Variants in NT5C2 observed in about 807,000 individuals in gnomAD.
NT5C2 encodes cytosolic purine 5'-nucleotidase.
A neutral mutation model predicts 76.1 loss-of-function variants in NT5C2; 58 were observed. That is an observed-to-expected ratio of 0.76 (90% CI 0.62 to 0.95). NT5C2 has a LOEUF of 0.95. Ranked by LOEUF, NT5C2 falls within the 40% of genes least tolerant of loss-of-function variation. NT5C2 has a pLI of 0.00. For missense variants in NT5C2, 478 were observed against 690.3 expected (o/e 0.69, Z 3.45); for synonymous variants, 229 against 237.4 (o/e 0.96, Z 0.32).
Position 103,115,321 on chromosome 10 carries a change from G to C in NT5C2, c.176-8615C>G, listed in dbSNP as rs536626924. Among the ~76,000 whole-genome samples the C allele has an allele frequency of 2.4e-3, 371 of 152,252 alleles. 2 individuals are homozygous for C. The highest frequency in any genetic ancestry group is 8.4e-3 in the African/African-American group (348 of 41,548). On this transcript the variant is annotated intron_variant, in intron 4 of 18. Transcript: ENST00000404739. ...GGAGGCTGAGGCAGGAGAATTGCTT[G>C]AACCCGGGAGGCGGAGGTTGCAGTG... is the stretch of plus-strand genomic sequence containing the variant.
chr10:103,155,997 T>C (rs1255526127), intron 3 of NT5C2, among the ~76,000 whole-genome samples: 6 of 151,954 alleles, frequency 3.9e-5, no homozygotes, highest in Admixed American at 6.6e-5. Flanking sequence ...ATCCTGTCTC[T>C]ACAAAAAAAA....
intron 1 of NT5C2, among the ~76,000 whole-genome samples, chr10:103,187,476 CG>C (rs1306517436): frequency 6.7e-6 from 1 of 150,088 alleles, no homozygotes; most frequent in Non-Finnish European, 1.5e-5. Flanking sequence ...TGCTTGAACC[CG>C]GGAGGCAGAG....
chr10:103,151,285 A>G (rs1015428903), intron 3 of NT5C2, among the ~76,000 whole-genome samples: 13 of 151,968 alleles, frequency 8.6e-5, no homozygotes, highest in African/African-American at 3.1e-4. Flanking sequence ...ACCAACATGG[A>G]GAAATCCTGT....
At position 103,162,102 on chromosome 10, in the gene NT5C2, G is replaced by A. The variant is rs142985874; in HGVS notation, c.101+12756C>T. 4.9e-3 allele frequency among the ~76,000 whole-genome samples: 746 copies of A among 152,174 alleles called. 20 individuals carry two copies. The East Asian group carries it at 0.073, about 15-fold the overall frequency. The stretch of plus-strand genomic sequence containing the variant: ...GCAATCTTGGCTCACTGCAACCTCC[G>A]CCTCATGGGTTCAAGTGACTCTCCT... On this transcript the variant is annotated intron_variant, in intron 3 of 18. Coordinates refer to ENST00000404739, the MANE Select transcript of NT5C2 (RefSeq NM_001351169.2).
At chr10:103,093,781 T>C in intron 14 of NT5C2, 191 bp downstream of exon 14, 1 of 513,944 alleles carries the variant, frequency 1.9e-6, no homozygotes. Flanking sequence ...AAAATCAGAT[T>C]CATTAGGATA....
chr10:103,125,352 T>A, intron 4 of NT5C2: 2 of 351,688 alleles, frequency 5.7e-6, no homozygotes, highest in Non-Finnish European at 1.1e-5. Context: ...AACCTGGCGT[T>A]TGCCTGTCTT....
intron 4 of NT5C2, among the ~76,000 whole-genome samples, chr10:103,131,825 A>T (rs1461050739): frequency 1.3e-5 from 2 of 152,008 alleles, no homozygotes; most frequent in Non-Finnish European, 2.9e-5. Context: ...GGGAAGCTGA[A>T]ATGGGAGGAT....
At chr10:103,166,290 T>G (rs2086363329) in intron 3 of NT5C2, among the ~76,000 whole-genome samples, 1 of 152,200 alleles carries the variant, frequency 6.6e-6, no homozygotes, top group Non-Finnish European at 1.5e-5. Flanking sequence ...ACCATCTCCC[T>G]CCACCCACCC....
intron 4 of NT5C2, among the ~76,000 whole-genome samples, chr10:103,122,417 G>T (rs929865409): frequency 6.6e-6 from 1 of 152,154 alleles, no homozygotes; most frequent in South Asian, 2.1e-4. Context: ...TTGTTTATGG[G>T]TTTTTGTCTC....
At chr10:103,137,369 A>G (rs938042835) in intron 4 of NT5C2, among the ~76,000 whole-genome samples, 4 of 152,236 alleles carry the variant, frequency 2.6e-5, no homozygotes, top group African/African-American at 9.6e-5. Context: ...AGAAAAACAA[A>G]TAAATGACAA....
At chr10:103,131,283 C>T (rs1166033348) in intron 4 of NT5C2, among the ~76,000 whole-genome samples, 2 of 152,202 alleles carry the variant, frequency 1.3e-5, no homozygotes, top group Non-Finnish European at 2.9e-5. Flanking sequence ...ACTCAAAATA[C>T]TGTTTGCCAG....
Position 103,090,701 on chromosome 10 carries a change from T to C in NT5C2, c.1359A>G (p.Gln453=), listed in dbSNP as rs1048621280. 5 of 1,614,080 alleles carry C rather than the reference T, an allele frequency of 3.1e-6. No homozygotes were observed. In the African/African-American group the frequency reaches 5.3e-5, roughly 17 times the overall value. ...CATAGAGGTCAGCATAACGCATCACTTGACTGGCAAAAAGGGTCTGCCGGG... is the reference window on the plus strand; with the variant it reads ...CATAGAGGTCAGCATAACGCATCACCTGACTGGCAAAAAGGGTCTGCCGGG... ...SGSRQTLFAS[Q]VMRYADLYAA... Residue 453 remains glutamine, a synonymous_variant, in exon 18 of 19, where the codon CAA becomes CAG. Coordinates refer to ENST00000404739, the MANE Select transcript of NT5C2 (RefSeq NM_001351169.2).
intron 3 of NT5C2, among the ~76,000 whole-genome samples, chr10:103,151,631 A>C (rs1472977231): frequency 6.6e-6 from 1 of 152,200 alleles, no homozygotes; most frequent in Non-Finnish European, 1.5e-5. Flanking sequence ...ATAGACTTAC[A>C]TAAAGCTCAA....
intron 4 of NT5C2, among the ~76,000 whole-genome samples, chr10:103,123,988 C>A (rs531051077): frequency 3.3e-5 from 5 of 152,190 alleles, no homozygotes; most frequent in Admixed American, 1.3e-4. Context: ...CTCATCCCCC[C>A]ACTTTCTACC....
rs2085195082 is a variant in NT5C2 at position 103,162,583 on chromosome 10, T to C, written c.101+12275A>G. On this transcript the variant is annotated intron_variant, in intron 3 of 18. Coordinates refer to ENST00000404739, the MANE Select transcript of NT5C2 (RefSeq NM_001351169.2). ...AAGATTAATATTAAAGTGTTGGTGA[T>C]ACTGCTCTCATACATTGTAAGTGGA... Among the ~76,000 whole-genome samples the C allele has an allele frequency of 2.0e-5, 3 of 152,224 alleles. 1 individual carries two copies. In the South Asian group the frequency reaches 6.2e-4, roughly 32 times the overall value.
At chr10:103,094,288 G>A (rs1418619099) in intron 13 of NT5C2, 60 bp downstream of exon 13, 1 of 1,112,276 alleles carries the variant, frequency 9.0e-7, no homozygotes, top group African/African-American at 1.5e-5. Flanking sequence ...GAGTAAGAGT[G>A]GGGGAAGGAG....
At chr10:103,146,459 A>T (rs1565178026) in intron 3 of NT5C2, 2 of 984,976 alleles carry the variant, frequency 2.0e-6, no homozygotes, top group Non-Finnish European at 2.4e-6. Flanking sequence ...ACACATTGAA[A>T]ATTTGCTACA....
At chr10:103,098,491 C>A in intron 10 of NT5C2, 1 of 185,104 alleles carries the variant, frequency 5.4e-6, no homozygotes, top group Non-Finnish European at 1.1e-5. Flanking sequence ...ACTGTGTGAC[C>A]TCTGGCAAGT....
intron 4 of NT5C2, among the ~76,000 whole-genome samples, chr10:103,129,459 C>A (rs1335628513): frequency 1.8e-5 from 2 of 109,782 alleles, no homozygotes; most frequent in African/African-American, 3.5e-5. Flanking sequence ...CCAGCCACCC[C>A]GTCCGGGAGG....
Sources: allele counts gnomAD v4.1 joint callset (sites outside exome capture counted in the v4.1 genomes callset), GRCh38; gene constraint gnomAD v4.1.1; transcripts MANE v1.5; gene names NCBI Gene and HGNC (gene_info 2026-07-23, HGNC 2026-07-21).